EYS: variants seen among roughly 807,000 people sequenced by gnomAD.
EYS encodes the protein EGF-like photoreceptor maintenance factor.
In EYS, 250 loss-of-function variants were observed where a neutral mutation model predicts 282.1. The observed-to-expected ratio is 0.89, with a 90% CI of 0.80 to 0.98. The LOEUF (loss-of-function observed/expected upper bound fraction) is 0.98. Ranked by LOEUF, EYS falls within the 50% of genes least tolerant of loss-of-function variation. The pLI is 0.00. For missense variants in EYS, 4,016 were observed against 3,709.0 expected, an observed-to-expected ratio of 1.08 and a Z score of -2.15; for synonymous variants, 1,355 against 1,282.9, an observed-to-expected ratio of 1.06 and a Z score of -1.20.
intron 2 of EYS, among the ~76,000 whole-genome samples, chr6:65,633,506 T>C (rs1766990018): frequency 6.6e-6 from 1 of 152,214 alleles, no homozygotes; most frequent in Non-Finnish European, 1.5e-5. Context: ...TAGGTTTTAA[T>C]GTCTCTGTTT....
At chr6:64,358,050 G>T (rs1332652965) in intron 29 of EYS, among the ~76,000 whole-genome samples, 1 of 151,624 alleles carries the variant, frequency 6.6e-6, no homozygotes, top group Non-Finnish European at 1.5e-5. Flanking sequence ...TGACTAAAAT[G>T]GATATGTCTC....
intron 2 of EYS, among the ~76,000 whole-genome samples, chr6:65,593,307 A>C (rs1765296505): frequency 6.6e-6 from 1 of 152,038 alleles, no homozygotes; most frequent in Non-Finnish European, 1.5e-5. Flanking sequence ...TCAGAAACAA[A>C]ATATTATTCA....
intron 28 of EYS, among the ~76,000 whole-genome samples, chr6:64,433,619 A>G (rs537798236): frequency 6.6e-6 from 1 of 152,168 alleles, no homozygotes; most frequent in African/African-American, 2.4e-5. Context: ...AAAAATAAGA[A>G]GCAATGGTGT....
chr6:65,496,375 C>T (rs1381970231), intron 2 of EYS, among the ~76,000 whole-genome samples: 1 of 151,888 alleles, frequency 6.6e-6, no homozygotes, highest in Non-Finnish European at 1.5e-5. Flanking sequence ...ATATATTGAC[C>T]TATTTTTTTT....
chr6:64,190,174 G>A (rs1281232243), intron 31 of EYS, among the ~76,000 whole-genome samples: 1 of 152,142 alleles, frequency 6.6e-6, no homozygotes, highest in Non-Finnish European at 1.5e-5. Context: ...GCACGCTAGA[G>A]AACCATCTAG....
At chr6:63,747,637 G>T (rs1195697558) in intron 41 of EYS, among the ~76,000 whole-genome samples, 1 of 152,106 alleles carries the variant, frequency 6.6e-6, no homozygotes, top group Non-Finnish European at 1.5e-5. Context: ...GTCCTGCATT[G>T]GGTGTATAAA....
intron 14 of EYS, among the ~76,000 whole-genome samples, chr6:64,989,271 T>C (rs1770967304): frequency 6.7e-6 from 1 of 149,922 alleles, no homozygotes; most frequent in South Asian, 2.1e-4. Flanking sequence ...CTTTTGGTTT[T>C]AAAGAGCACA....
intron 13 of EYS, among the ~76,000 whole-genome samples, chr6:65,041,220 T>A (rs957259377): frequency 6.6e-6 from 1 of 151,662 alleles, no homozygotes; most frequent in African/African-American, 2.4e-5. Flanking sequence ...CACAGATCAG[T>A]CCATAGTACT....
chr6:64,492,816 G>A (rs908200515), intron 26 of EYS, among the ~76,000 whole-genome samples: 1 of 151,202 alleles, frequency 6.6e-6, no homozygotes, highest in Non-Finnish European at 1.5e-5. Flanking sequence ...ATTTAGCAGA[G>A]ATACAGTAAA....
intron 41 of EYS, among the ~76,000 whole-genome samples, chr6:63,727,250 A>G (rs1028709285): frequency 1.3e-5 from 2 of 152,052 alleles, no homozygotes; most frequent in Non-Finnish European, 2.9e-5. Context: ...TCCCTATGAA[A>G]TCTATATTCC....
intron 15 of EYS, among the ~76,000 whole-genome samples, chr6:64,932,854 A>G (rs1308050998): frequency 6.6e-6 from 1 of 152,184 alleles, no homozygotes; most frequent in East Asian, 1.9e-4. Context: ...ATGGCCACAC[A>G]TGGTAAAGAA....
intron 13 of EYS, among the ~76,000 whole-genome samples, chr6:65,040,092 T>C (rs1461343059): frequency 1.3e-5 from 2 of 151,672 alleles, no homozygotes; most frequent in African/African-American, 4.8e-5. Context: ...TTTTATCAGA[T>C]AATTTTTAGT....
At chr6:63,917,211 A>T in intron 35 of EYS, among the ~76,000 whole-genome samples, 1 of 152,224 alleles carries the variant, frequency 6.6e-6, no homozygotes, top group Non-Finnish European at 1.5e-5. Context: ...GGATCTTGCA[A>T]CCCAGCTCAG....
intron 21 of EYS, among the ~76,000 whole-genome samples, chr6:64,816,865 C>T (rs73768424): frequency 0.014 from 2,053 of 151,728 alleles, 45 homozygotes; most frequent in African/African-American, 0.047. Context: ...CTTAAAATAT[C>T]TTAAATATCC....
intron 14 of EYS, among the ~76,000 whole-genome samples, chr6:64,993,914 T>C (rs1166460105): frequency 6.6e-6 from 1 of 150,832 alleles, no homozygotes; most frequent in Non-Finnish European, 1.5e-5. Flanking sequence ...GTGATATTTA[T>C]ATATATATAT....
chr6:63,723,169 A>G (rs1331617678), intron 42 of EYS, among the ~76,000 whole-genome samples: 1 of 152,212 alleles, frequency 6.6e-6, no homozygotes, highest in Non-Finnish European at 1.5e-5. Flanking sequence ...TTTTTCCTAT[A>G]ATGACATGAA....
intron 21 of EYS, among the ~76,000 whole-genome samples, chr6:64,815,518 A>G (rs1284372688): frequency 6.6e-6 from 1 of 152,140 alleles, no homozygotes; most frequent in Non-Finnish European, 1.5e-5. Flanking sequence ...AATGGGAAAT[A>G]CAAAGGCAAT....
intron 2 of EYS, among the ~76,000 whole-genome samples, chr6:65,624,527 T>C (rs1766630028): frequency 6.6e-6 from 1 of 152,260 alleles, no homozygotes; most frequent in Admixed American, 6.5e-5. Flanking sequence ...CAAAGTATTG[T>C]TCCTGGGTGT....
intron 18 of EYS, among the ~76,000 whole-genome samples, chr6:64,901,825 G>A (rs1042162481): frequency 6.6e-6 from 1 of 151,716 alleles, no homozygotes; most frequent in Non-Finnish European, 1.5e-5. Flanking sequence ...CAACAATTTC[G>A]GGAGACTCTA....
Sources: allele counts gnomAD v4.1 joint callset (sites outside exome capture counted in the v4.1 genomes callset), GRCh38; gene constraint gnomAD v4.1.1; transcripts MANE v1.5; gene names NCBI Gene and HGNC (gene_info 2026-07-23, HGNC 2026-07-21).